Variants in TASP1 observed in about 807,000 individuals in gnomAD.
TASP1 encodes taspase 1.
Under a neutral mutation model 56.6 loss-of-function variants are expected in TASP1, and 16 were observed. The observed-to-expected ratio is 0.28, with a 90% confidence interval of 0.19 to 0.43. The LOEUF (loss-of-function observed/expected upper bound fraction) is 0.43, where lower values mean the gene tolerates loss of function less well. Among genes scored for constraint, TASP1 ranks in the 20% least tolerant of loss-of-function variants. The probability of loss-of-function intolerance (pLI) is 1.00; values close to 1 mark genes in which losing one functional copy is unlikely to be tolerated. For synonymous variants in TASP1, 179 were observed against 184.2 expected, an observed-to-expected ratio of 0.97 and a Z score of 0.23; for missense variants, 393 against 511.6, an observed-to-expected ratio of 0.77 and a Z score of 2.24.
intron 4 of TASP1, among the ~76,000 whole-genome samples, chr20:13,606,458 A>G (rs946725540): frequency 2.6e-5 from 4 of 152,236 alleles, no homozygotes; most frequent in East Asian, 1.9e-4. Flanking sequence ...GACAGTATAC[A>G]TAATTTTTGT....
the TASP1 span, chr20:13,288,663 G>A: frequency 1.2e-6 from 2 of 1,613,974 alleles, no homozygotes; most frequent in East Asian, 2.2e-5. Context: ...TCGAGGACCT[G>A]TGACCGTCCA....
the TASP1 span, among the ~76,000 whole-genome samples, chr20:13,285,064 A>C: frequency 6.6e-6 from 1 of 152,194 alleles, no homozygotes; most frequent in Non-Finnish European, 1.5e-5. Flanking sequence ...AGGCAGGAGG[A>C]TTGCCTGAAG....
chr20:13,253,877 A>T, the TASP1 span, among the ~76,000 whole-genome samples: 5 of 98,912 alleles, frequency 5.1e-5, no homozygotes, highest in African/African-American at 2.2e-4. Context: ...ATATATATAT[A>T]TGTGTGTGTG....
At chr20:13,529,993 G>A (rs2045157077) in intron 9 of TASP1, among the ~76,000 whole-genome samples, 2 of 152,098 alleles carry the variant, frequency 1.3e-5, no homozygotes, top group African/African-American at 4.8e-5. Context: ...CCAACCACTA[G>A]TCCTGCCTCT....
the TASP1 span, among the ~76,000 whole-genome samples, chr20:13,154,309 G>A: frequency 6.6e-6 from 1 of 152,020 alleles, no homozygotes; most frequent in East Asian, 1.9e-4. Flanking sequence ...CCTTCCCACA[G>A]GTCTTATAGA....
chr20:13,624,916 T>A (rs1450017033), intron 3 of TASP1, among the ~76,000 whole-genome samples: 4 of 152,190 alleles, frequency 2.6e-5, no homozygotes, highest in Non-Finnish European at 5.9e-5. Context: ...AAGTTCAACA[T>A]CGTTGCAAAG....
chr20:13,117,068 T>C, the TASP1 span, among the ~76,000 whole-genome samples: 1 of 152,214 alleles, frequency 6.6e-6, no homozygotes, highest in Non-Finnish European at 1.5e-5. Flanking sequence ...TTTTAATCTA[T>C]GGCAATTCAA....
chr20:13,446,276 A>G (rs530182917), intron 11 of TASP1, among the ~76,000 whole-genome samples: 25 of 152,254 alleles, frequency 1.6e-4, no homozygotes, highest in African/African-American at 5.3e-4. Context: ...GACAATTTAT[A>G]TAACACAGAT....
chr20:13,483,161 C>T (rs2043199544), intron 11 of TASP1, 66 bp downstream of exon 11: 2 of 1,190,014 alleles, frequency 1.7e-6, no homozygotes, highest in African/African-American at 1.5e-5. Flanking sequence ...GTACCTGACT[C>T]ATAGTGCTTA....
At chr20:13,472,679 T>C (rs2044556298) in intron 11 of TASP1, among the ~76,000 whole-genome samples, 1 of 150,948 alleles carries the variant, frequency 6.6e-6, no homozygotes, top group Non-Finnish European at 1.5e-5. Context: ...GCAAAGAATA[T>C]GAACAGACAG....
intron 10 of TASP1, among the ~76,000 whole-genome samples, chr20:13,495,469 A>G (rs985478734): frequency 1.3e-5 from 2 of 152,180 alleles, no homozygotes; most frequent in African/African-American, 4.8e-5. Context: ...GCTCTGAAGG[A>G]GGAAGGAGAA....
intron 10 of TASP1, among the ~76,000 whole-genome samples, chr20:13,500,442 A>G (rs559549871): frequency 6.6e-6 from 1 of 151,596 alleles, no homozygotes; most frequent in East Asian, 1.9e-4. Flanking sequence ...GGGAAACAAG[A>G]GAAGGAACAG....
the TASP1 span, among the ~76,000 whole-genome samples, chr20:13,187,732 C>CAAAAAAAAAAAAAAAAAAAAAAAAAA: frequency 1.7e-5 from 1 of 57,154 alleles, no homozygotes. Flanking sequence ...GACTCCATCT[C>CAAAAAAAAAAAAAAAAAAAAAAAAAA]AAAAAAAAAA....
intron 11 of TASP1, among the ~76,000 whole-genome samples, chr20:13,446,683 A>G (rs1207245382): frequency 6.6e-6 from 1 of 152,116 alleles, no homozygotes; most frequent in Non-Finnish European, 1.5e-5. Context: ...AGTCACGAAA[A>G]AAAGTTTTTA....
chr20:13,392,783 T>C (rs6105083), intron 13 of TASP1: 39,704 of 610,980 alleles, frequency 0.065, 4,218 homozygotes, highest in African/African-American at 0.37. Context: ...AGTGACCCCT[T>C]CCTTGACCTC....
At chr20:13,178,761 G>A in the TASP1 span, among the ~76,000 whole-genome samples, 1 of 151,726 alleles carries the variant, frequency 6.6e-6, no homozygotes, top group Non-Finnish European at 1.5e-5. Flanking sequence ...TGTAAAGGTA[G>A]GGGAAAGGGA....
At chr20:13,512,220 C>T (rs1043923591) in intron 10 of TASP1, among the ~76,000 whole-genome samples, 2 of 152,128 alleles carry the variant, frequency 1.3e-5, no homozygotes, top group African/African-American at 4.8e-5. Flanking sequence ...ACAGTCCTAC[C>T]AACAGTGTAA....
intron 6 of TASP1, among the ~76,000 whole-genome samples, chr20:13,570,035 A>G (rs1399394993): frequency 6.6e-6 from 1 of 152,114 alleles, no homozygotes. Context: ...ACATCTGGAG[A>G]TGCCCAAATA....
intron 7 of TASP1, among the ~76,000 whole-genome samples, chr20:13,562,471 G>A (rs2046374467): frequency 6.6e-6 from 1 of 151,502 alleles, no homozygotes; most frequent in African/African-American, 2.4e-5. Context: ...GTTAGTTCAT[G>A]GAAAACATTA....
Sources: allele counts gnomAD v4.1 joint callset (sites outside exome capture counted in the v4.1 genomes callset), GRCh38; gene constraint gnomAD v4.1.1; transcripts MANE v1.5; gene names NCBI Gene and HGNC (gene_info 2026-07-23, HGNC 2026-07-21).